MYH7: variants seen among roughly 807,000 people sequenced by gnomAD.
MYH7 encodes the protein myosin-7.
A neutral mutation model predicts 225.4 loss-of-function variants in MYH7; 129 were observed. The observed-to-expected ratio is 0.57, with a 90% CI of 0.50 to 0.66. MYH7 has a LOEUF of 0.66. Ranked by LOEUF, MYH7 falls within the 30% of genes least tolerant of loss-of-function variation. The pLI is 0.00. For missense variants in MYH7, 1,649 were observed against 2,517.0 expected (o/e 0.66, Z 7.38); for synonymous variants, 971 against 1,007.6 (o/e 0.96, Z 0.69).
chr14:23,434,580 G>A (rs1211663832), intron 1 of MYH7, among the ~76,000 whole-genome samples: 1 of 152,040 alleles, frequency 6.6e-6, no homozygotes, highest in African/African-American at 2.4e-5. Context: ...CATTTGTTCG[G>A]CACTTTCCAG....
Position 23,417,693 on chromosome 14 carries a change from A to G in MYH7, c.4170-7T>C, listed in dbSNP as rs1433379847. On this transcript the variant is annotated splice_region_variant and splice_polypyrimidine_tract_variant and intron_variant, in intron 30 of 39. Transcript: ENST00000355349. ...CCGCTGGGCCAGCTTCTTCCTGCCC[A>G]GGGGAGGGTGGCAGAGGGTGGGGAG... is the stretch of plus-strand genomic sequence containing the variant. 1 of 1,611,972 alleles carries G rather than the reference A, an allele frequency of 6.2e-7. No homozygotes were observed. Among genetic ancestry groups the G allele is most frequent in the Non-Finnish European group, 8.5e-7 (1 of 1,179,688 alleles).
intron 22 of MYH7, 87 bp from the exon 23 acceptor site, chr14:23,424,236 A>C (rs1235903220): frequency 4.5e-6 from 7 of 1,552,100 alleles, no homozygotes; most frequent in Non-Finnish European, 5.3e-6. Context: ...CATCACTCAA[A>C]TAGGAGGGTA....
chr14:23,420,937 G>C (rs370893576), intron 26 of MYH7, 21 bp downstream of exon 26: 1 of 1,601,822 alleles, frequency 6.2e-7, no homozygotes, highest in Admixed American at 1.7e-5. Context: ...TCAGCATCCC[G>C]CGTGGGTGTC....
At chr14:23,426,502 C>T (rs1446308874) in intron 18 of MYH7, among the ~76,000 whole-genome samples, 1 of 152,172 alleles carries the variant, frequency 6.6e-6, no homozygotes, top group Non-Finnish European at 1.5e-5. Flanking sequence ...TAAAGTTGAA[C>T]TAAGATTCTG....
chr14:23,432,426 G>A (rs1329974933), intron 6 of MYH7, 53 bp downstream of exon 6: 35 of 1,609,560 alleles, frequency 2.2e-5, no homozygotes, highest in Non-Finnish European at 3.0e-5. Flanking sequence ...GATGGGGCTG[G>A]AGGCTGGGAT....
In MYH7 at chr14:23,431,933, A is replaced by C. The variant is rs915383420; in HGVS notation, c.531-64T>G. The C allele has an allele frequency of 1.8e-5, 27 of 1,536,520 alleles. 1 individual carries two copies. The highest frequency in any genetic ancestry group is 2.3e-5 in the Non-Finnish European group (25 of 1,110,280). ...ACTGGAGACCAGCAAGCCTCAAATCAGGAGAGAATGCCTGGGCCTACCCGA... is the reference window on the plus strand; with the variant it reads ...ACTGGAGACCAGCAAGCCTCAAATCCGGAGAGAATGCCTGGGCCTACCCGA... On this transcript the variant is annotated intron_variant, in intron 6 of 39. Transcript: ENST00000355349.
intron 32 of MYH7, 64 bp downstream of exon 32, chr14:23,417,089 G>A: frequency 6.2e-7 from 1 of 1,613,932 alleles, no homozygotes; most frequent in Non-Finnish European, 8.5e-7. Flanking sequence ...GGAGCCCTTG[G>A]GTGGCACCAT....
Position 23,424,760 on chromosome 14 carries a change from G to A in MYH7, c.2679+9C>T, listed in dbSNP as rs776698827. ...GGTGGAAGAGCCAACAGTAGCCCAG[G>A]AGCCTCACCGCCTGCACTTGGAGCT... is the stretch of plus-strand genomic sequence containing the variant. On this transcript the variant is annotated intron_variant, in intron 22 of 39. Transcript: ENST00000355349. The A allele has an allele frequency of 6.2e-7, 1 of 1,613,924 alleles. No individual in the cohort carries two copies. The highest frequency in any genetic ancestry group is 1.1e-5 in the South Asian group (1 of 91,058).
At position 23,415,752 on chromosome 14, in the gene MYH7, G is replaced by A. The variant is rs766855849; in HGVS notation, c.5034C>T (p.Asn1678=). Reference sequence around the variant, plus strand: ...CCTCCAGCTCAGCCTGCAGCAGGTTGTTGCGCCGCTCCACGATGGCGATGT... The same window carrying A: ...CCTCCAGCTCAGCCTGCAGCAGGTTATTGCGCCGCTCCACGATGGCGATGT... ...KENIAIVERR[N]NLLQAELEEL... Residue 1678 remains asparagine, a synonymous_variant, in exon 35 of 40, where the codon AAC becomes AAT. Transcript: ENST00000355349. The surrounding 1 kb of genome is among the most constrained non-coding windows in gnomAD (Gnocchi z 6.3). 1 of 1,614,080 alleles carries A rather than the reference G, an allele frequency of 6.2e-7. No homozygotes were observed. The highest frequency in any genetic ancestry group is 8.5e-7 in the Non-Finnish European group (1 of 1,180,054).
At chr14:23,430,013 T>A (rs1892863540) in intron 11 of MYH7, 100 bp from the exon 12 acceptor site, 1 of 1,441,796 alleles carries the variant, frequency 6.9e-7, no homozygotes, top group East Asian at 2.3e-5. Context: ...CCTTAATCCC[T>A]GTGGGTTCTG....
Position 23,433,289 on chromosome 14 carries a change from G to A in MYH7, c.202-62C>T. 1 of 1,611,376 alleles carries A rather than the reference G, an allele frequency of 6.2e-7. No individual in the cohort carries two copies. The highest frequency in any genetic ancestry group is 8.5e-7 in the Non-Finnish European group (1 of 1,178,366). ...GGGCTTTCCCTCCTTCCTCAAGAGG[G>A]TTAGGAGTTGGTGAGTGACAGGGCA... On this transcript the variant is annotated intron_variant, in intron 3 of 39. Transcript: ENST00000355349. The surrounding 1 kb of genome is among the most constrained non-coding windows in gnomAD (Gnocchi z 4.1).
chr14:23,424,937 C>T lies in MYH7; in HGVS notation c.2511G>A (p.Lys837=). The part of the protein sequence containing the change: ...WPWMKLYFKI[K]PLLKSAEREK... The stretch of plus-strand genomic sequence containing the variant: ...CTCTTTCTGCACTCTTCAGCAGCGG[C>T]TTGATCTTGAAGTAGAGCTTCATCC... The change falls in exon 22 of 40, where the codon AAG becomes AAA. Residue 837 remains lysine, a synonymous_variant. Transcript: ENST00000355349. 1 of 1,614,224 alleles carries T rather than the reference C, an allele frequency of 6.2e-7. No homozygotes were observed. Among genetic ancestry groups the T allele is most frequent in the Non-Finnish European group, 8.5e-7 (1 of 1,180,038 alleles).
chr14:23,418,505 G>GCC (rs1408844095), intron 29 of MYH7, 99 bp from the exon 30 acceptor site: 2 of 1,385,472 alleles, frequency 1.4e-6, no homozygotes, highest in Admixed American at 2.5e-5. Context: ...TCATCCCTTG[G>GCC]CCTCATCTAT....
chr14:23,419,870 T>G lies in MYH7; in HGVS notation c.3701A>C (p.Asn1234Thr), dbSNP rs745970387. The part of the protein sequence containing the change: ...FKLELDDVTS[N>T]MEQIIKAKAN... ...CTTGGCCTTGATGATCTGCTCCATG[T>G]TGGAGGTGACGTCATCCAGCTCCAG... The change falls in exon 27 of 40, where the codon AAC (asparagine) becomes ACC (threonine). Residue 1234 changes from asparagine to threonine, a missense_variant. Asn to Thr is a moderately conservative substitution (Grantham distance 65). This residue lies in a region of MYH7 where 106 missense variants were observed against 198.8 expected (regional missense o/e 0.53). Coordinates refer to ENST00000355349, the MANE Select transcript of MYH7 (RefSeq NM_000257.4). 1.9e-6 allele frequency: 3 copies of G among 1,613,634 alleles called. No homozygotes were observed. Among genetic ancestry groups the G allele is most frequent in the Non-Finnish European group, 2.5e-6 (3 of 1,179,828 alleles).
At position 23,432,800 on chromosome 14, in the gene MYH7, G is replaced by A. The variant is rs1893002770; in HGVS notation, c.346-5C>T. ...ACAGAAGAGGCCCGAGTAGGTCTGG[G>A]GATAGAAAAGGAGCAGTGACTTGCC... On this transcript the variant is annotated splice_polypyrimidine_tract_variant and splice_region_variant and intron_variant, in intron 4 of 39. Coordinates refer to ENST00000355349, the MANE Select transcript of MYH7 (RefSeq NM_000257.4). 4.3e-6 allele frequency: 7 copies of A among 1,614,146 alleles called. No individual in the cohort carries two copies. Among genetic ancestry groups the A allele is most frequent in the Non-Finnish European group, 5.1e-6 (6 of 1,180,018 alleles).
chr14:23,426,707 T>C, intron 18 of MYH7, 70 bp downstream of exon 18: 2 of 1,388,766 alleles, frequency 1.4e-6, no homozygotes, highest in Non-Finnish European at 2.0e-6. Flanking sequence ...GGTAGGGAGA[T>C]GTCCTAGGAG....
rs397516118 is a variant in MYH7, at chr14:23,427,789, T to C, written c.1684A>G (p.Asn562Asp). 1.2e-6 allele frequency: 2 copies of C among 1,614,062 alleles called. No homozygotes were observed. Among genetic ancestry groups the C allele is most frequent in the Non-Finnish European group, 1.7e-6 (2 of 1,180,042 alleles). ...LFDNHLGKSANFQKPRNIKGK... is the reference protein window; with the variant it reads ...LFDNHLGKSADFQKPRNIKGK... ...TTGATATTGCGTGGCTTCTGGAAGTTGGCGGATTTGCCCAGGTGGTTGTCA... is the reference window on the plus strand; with the variant it reads ...TTGATATTGCGTGGCTTCTGGAAGTCGGCGGATTTGCCCAGGTGGTTGTCA... Residue 562 changes from asparagine to aspartate, a missense_variant, in exon 16 of 40, where the codon AAC (asparagine) becomes GAC (aspartate). Asn to Asp is a conservative substitution (Grantham distance 23). Around this residue, in one of 12 missense-constraint regions of MYH7, gnomAD observed 112 missense variants for 161.9 expected, o/e 0.69. Coordinates refer to ENST00000355349, the MANE Select transcript of MYH7 (RefSeq NM_000257.4).
At chr14:23,421,318 A>G (rs1892466146) in intron 25 of MYH7, among the ~76,000 whole-genome samples, 1 of 152,204 alleles carries the variant, frequency 6.6e-6, no homozygotes, top group Non-Finnish European at 1.5e-5. Context: ...CTCATAATGT[A>G]AAATGAGGGG....
intron 16 of MYH7, 76 bp from the exon 17 acceptor site, chr14:23,427,383 T>A: frequency 1.3e-6 from 2 of 1,573,982 alleles, no homozygotes; most frequent in Non-Finnish European, 1.7e-6. Flanking sequence ...CAGCCCCTCT[T>A]TACATCCTTG....
Sources: allele counts gnomAD v4.1 joint callset (sites outside exome capture counted in the v4.1 genomes callset), GRCh38; gene constraint gnomAD v4.1.1; regional missense constraint gnomAD v4.1.1; non-coding constraint Gnocchi (gnomAD v3.1); transcripts MANE v1.5; gene names NCBI Gene and HGNC (gene_info 2026-07-23, HGNC 2026-07-21).